Variants in IGF2BP3 observed in about 807,000 individuals in gnomAD.
IGF2BP3 encodes insulin like growth factor 2 mRNA binding protein 3.
IGF2BP3 carries 9 observed loss-of-function variants against 73.8 expected under a neutral mutation model. The ratio of observed to expected loss-of-function variants is 0.12; its 90% CI spans 0.07 to 0.21. The LOEUF (loss-of-function observed/expected upper bound fraction) is 0.21, where lower values mean the gene tolerates loss of function less well. IGF2BP3 is among the 10% of genes least tolerant of loss of function. IGF2BP3 has a pLI of 1.00. For synonymous variants in IGF2BP3, 258 were observed against 256.7 expected (o/e 1.01, Z -0.05); for missense variants, 542 against 714.0 (o/e 0.76, Z 2.75).
At position 23,317,687 on chromosome 7, in the gene IGF2BP3, A is replaced by G; in HGVS notation, c.1347T>C (p.Ala449=). ...CAGTGATAATCACCATCCTCACTTT[A>G]GCATCTGGTGCTTCCGCTGGAGCAA... ...IKIAPAEAPD[A]KVRMVIITGP... Residue 449 remains alanine (A), a synonymous_variant, in exon 12 of 15, where the codon GCT becomes GCC. Coordinates refer to ENST00000258729, the MANE Select transcript of IGF2BP3 (RefSeq NM_006547.3). 5 of 1,614,138 alleles carry G rather than the reference A, an allele frequency of 3.1e-6. No individual in the cohort carries two copies. The highest frequency in any genetic ancestry group is 4.2e-6 in the Non-Finnish European group (5 of 1,179,966).
intron 2 of IGF2BP3, among the ~76,000 whole-genome samples, chr7:23,429,282 C>G (rs1170951157): frequency 1.3e-5 from 2 of 152,184 alleles, no homozygotes; most frequent in African/African-American, 4.8e-5. Flanking sequence ...ACTAAAAAAT[C>G]TGACAAAAGA....
intron 2 of IGF2BP3, among the ~76,000 whole-genome samples, chr7:23,450,248 C>T (rs531431438): frequency 2.0e-5 from 3 of 152,328 alleles, no homozygotes; most frequent in African/African-American, 7.2e-5. Context: ...GCTACCTATC[C>T]TGGTTGTCTG....
At chr7:23,403,104 C>T (rs953482918) in intron 3 of IGF2BP3, among the ~76,000 whole-genome samples, 1 of 152,188 alleles carries the variant, frequency 6.6e-6, no homozygotes, top group African/African-American at 2.4e-5. Context: ...GACCCTATAA[C>T]CTGACAAAAT....
At chr7:23,422,543 C>T (rs2390750) in intron 2 of IGF2BP3, among the ~76,000 whole-genome samples, 1 of 152,034 alleles carries the variant, frequency 6.6e-6, no homozygotes, top group Non-Finnish European at 1.5e-5. Context: ...CAAGGGATTG[C>T]GACCCTGTCT....
intron 3 of IGF2BP3, 119 bp from the exon 4 acceptor site, chr7:23,361,860 G>C: frequency 2.5e-6 from 2 of 810,192 alleles, no homozygotes; most frequent in Non-Finnish European, 3.9e-6. Flanking sequence ...AAATTATCTG[G>C]GGCTTTGGAC....
At chr7:23,349,037 C>T (rs1221974368) in intron 6 of IGF2BP3, among the ~76,000 whole-genome samples, 1 of 152,100 alleles carries the variant, frequency 6.6e-6, no homozygotes, top group Non-Finnish European at 1.5e-5. Flanking sequence ...GAGATACATC[C>T]CCAACTTACC....
At chr7:23,368,197 T>A (rs190555076) in intron 3 of IGF2BP3, among the ~76,000 whole-genome samples, 1 of 152,012 alleles carries the variant, frequency 6.6e-6, no homozygotes, top group Admixed American at 6.6e-5. Flanking sequence ...TGTGGTATAT[T>A]TGTACAATGG....
intron 2 of IGF2BP3, among the ~76,000 whole-genome samples, chr7:23,433,558 G>A (rs534026255): frequency 6.7e-6 from 1 of 149,390 alleles, no homozygotes; most frequent in East Asian, 2.0e-4. Context: ...ATAGCTCACT[G>A]CAGCCTCAAC....
In IGF2BP3 at chr7:23,321,239, G is replaced by A. The variant is rs1784137960; in HGVS notation, c.1204-1985C>T. Among the ~76,000 whole-genome samples, 4 of 152,336 alleles carry A rather than the reference G, an allele frequency of 2.6e-5. No individual in the cohort carries two copies. The South Asian group carries it at 8.3e-4, about 32-fold the overall frequency. On this transcript the variant is annotated intron_variant, in intron 10 of 14. Coordinates refer to ENST00000258729, the MANE Select transcript of IGF2BP3 (RefSeq NM_006547.3). ...TGCACCATGGGTGAGCCGAAGCAGG[G>A]CGAGGCATTGCCTCACTCGGGAAGC...
At chr7:23,418,880 A>C in intron 2 of IGF2BP3, 56 bp from the exon 3 acceptor site, 1 of 1,095,702 alleles carries the variant, frequency 9.1e-7, no homozygotes, top group Non-Finnish European at 1.3e-6. Flanking sequence ...CAAAACAATA[A>C]TAGCCAACAT....
At chr7:23,434,562 T>C (rs1787763611) in intron 2 of IGF2BP3, among the ~76,000 whole-genome samples, 1 of 152,234 alleles carries the variant, frequency 6.6e-6, no homozygotes, top group South Asian at 2.1e-4. Flanking sequence ...AGAACTCCAA[T>C]GTATCAACAA....
chr7:23,441,247 T>A (rs577276674), intron 2 of IGF2BP3, among the ~76,000 whole-genome samples: 2 of 151,846 alleles, frequency 1.3e-5, no homozygotes, highest in South Asian at 4.2e-4. Context: ...GCCTGGGCAA[T>A]ATAGTGAGAT....
intron 3 of IGF2BP3, 86 bp downstream of exon 3, chr7:23,418,690 T>C: frequency 1.2e-6 from 1 of 868,354 alleles, no homozygotes; most frequent in Non-Finnish European, 1.8e-6. Flanking sequence ...CACCCAAGAG[T>C]TGAGGAAAGG....
chr7:23,408,244 T>G (rs1415711853), intron 3 of IGF2BP3, among the ~76,000 whole-genome samples: 1 of 86,270 alleles, frequency 1.2e-5, no homozygotes, highest in East Asian at 2.5e-4. Context: ...ATTACAGCAA[T>G]AAAAGAAAAG....
intron 5 of IGF2BP3, among the ~76,000 whole-genome samples, chr7:23,358,017 T>C (rs1396868417): frequency 1.3e-5 from 2 of 152,204 alleles, no homozygotes; most frequent in East Asian, 1.9e-4. Context: ...ATCAAACATG[T>C]TGGAAAAATA....
chr7:23,409,047 G>T (rs1475022902), intron 3 of IGF2BP3, among the ~76,000 whole-genome samples: 1 of 152,144 alleles, frequency 6.6e-6, no homozygotes, highest in Non-Finnish European at 1.5e-5. Flanking sequence ...TAAGGAGTGA[G>T]CAACCTAGAT....
chr7:23,331,482 G>A (rs1021841532), intron 10 of IGF2BP3, among the ~76,000 whole-genome samples: 1 of 152,232 alleles, frequency 6.6e-6, no homozygotes, highest in East Asian at 1.9e-4. Context: ...TGCATAAGAT[G>A]GGTGTGTACA....
chr7:23,424,076 C>T (rs1420375568), intron 2 of IGF2BP3, among the ~76,000 whole-genome samples: 1 of 152,122 alleles, frequency 6.6e-6, no homozygotes, highest in Non-Finnish European at 1.5e-5. Flanking sequence ...CAAGACTGCA[C>T]CACTGCACTC....
At chr7:23,358,055 A>C (rs1195015256) in intron 5 of IGF2BP3, among the ~76,000 whole-genome samples, 1 of 152,262 alleles carries the variant, frequency 6.6e-6, no homozygotes, top group Non-Finnish European at 1.5e-5. Flanking sequence ...TTTGAGCTCT[A>C]CCTTACAGGT....
Sources: gnomAD v4.1 joint callset for allele counts (sites outside exome capture counted in the v4.1 genomes callset) on GRCh38, gnomAD v4.1.1 for gene constraint, MANE v1.5 for transcripts, NCBI Gene and HGNC (gene_info 2026-07-23, HGNC 2026-07-21) for gene names.